Variants in ANKRD61 observed in about 807,000 individuals in gnomAD.
The protein encoded by ANKRD61 is ankyrin repeat domain 61, also known as ankyrin repeat domain-containing protein 61.
ANKRD61 carries 7 observed loss-of-function variants against 8.4 expected under a neutral mutation model. That is an observed-to-expected ratio of 0.84 (90% CI 0.48 to 1.57). The LOEUF is 1.57. Ranked by LOEUF, ANKRD61 falls within the 40% of genes most tolerant of loss-of-function variation. The pLI is 0.00. For synonymous variants in ANKRD61, 198 were observed against 208.0 expected (o/e 0.95, Z 0.41); for missense variants, 516 against 523.4 (o/e 0.99, Z 0.14).
In ANKRD61 at chr7:6,033,178, A is replaced by G. The variant is rs1356666105; in HGVS notation, c.314+242A>G. 6.6e-6 allele frequency among the ~76,000 whole-genome samples: 1 copy of G among 152,178 alleles called. No homozygotes were observed. On this transcript the variant is annotated intron_variant, in intron 2 of 2. Transcript: ENST00000409061. This position sits in a 1 kb window ranked among gnomAD's most constrained non-coding sequence, Gnocchi z 4.4. ...GAGACAGGGTTTCACCATGTTGGCC[A>G]GGCTGGTCTTGAACTCCTGGCCTCA...
chr7:6,034,081 G>A (rs1462273258), intron 2 of ANKRD61, among the ~76,000 whole-genome samples: 1 of 151,658 alleles, frequency 6.6e-6, no homozygotes, highest in Non-Finnish European at 1.5e-5. Context: ...ACCATGGGAG[G>A]CTGAGGTGGG....
At position 6,032,807 on chromosome 7, in the gene ANKRD61, C is replaced by A; in HGVS notation, c.217-32C>A. ...AACAGTATTTTTAACTACACAGGGC[C>A]ACTTGTAATGTGTTTTGTTTTCCCT... On this transcript the variant is annotated intron_variant, in intron 1 of 2. Coordinates refer to ENST00000409061, the MANE Select transcript of ANKRD61 (RefSeq NM_001271700.2). This position sits in a 1 kb window ranked among gnomAD's most constrained non-coding sequence, Gnocchi z 4.3. 6.6e-7 allele frequency: 1 copy of A among 1,513,186 alleles called. No homozygotes were observed. Among genetic ancestry groups the A allele is most frequent in the East Asian group, 2.5e-5 (1 of 40,664 alleles). 93.7% of individuals were successfully genotyped at this position (1,513,186 alleles called of 1,614,324 possible).
In ANKRD61 at chr7:6,035,381, C is replaced by G; in HGVS notation, c.315-63C>G. ...TAAATACTGGCTTCTTAAGCATTAACTGTCCACGTAGAGCCGTTCCCACTG... is the reference window on the plus strand; with the variant it reads ...TAAATACTGGCTTCTTAAGCATTAAGTGTCCACGTAGAGCCGTTCCCACTG... On this transcript the variant is annotated intron_variant, in intron 2 of 2. Transcript: ENST00000409061. This position sits in a 1 kb window ranked among gnomAD's most constrained non-coding sequence, Gnocchi z 5.5. The G allele has an allele frequency of 7.1e-7, 1 of 1,409,864 alleles. No individual in the cohort carries two copies. The highest frequency in any genetic ancestry group is 9.6e-7 in the Non-Finnish European group (1 of 1,037,362). 87.3% of individuals were successfully genotyped at this position (1,409,864 alleles called of 1,614,324 possible).
Position 6,031,470 on chromosome 7 carries a change from T to C in ANKRD61, c.95T>C (p.Leu32Pro). 3 of 1,550,680 alleles carry C rather than the reference T, an allele frequency of 1.9e-6. No individual in the cohort carries two copies. Among genetic ancestry groups the C allele is most frequent in the Non-Finnish European group, 2.6e-6 (3 of 1,147,018 alleles). ...DGPSAALHSK[L>P]YEAIMREDCT... ...CCATCTGCAGCACTTCACTCGAAAC[T>C]CTATGAAGCCATCATGAGAGAAGAC... Residue 32 changes from leucine (L) to proline (P), a missense_variant, in exon 1 of 3, where the codon CTC (leucine) becomes CCC (proline). Physicochemically the swap from Leu to Pro is moderately conservative, Grantham distance 98. Transcript: ENST00000409061.
In ANKRD61 at chr7:6,033,370, A is replaced by G. The variant is rs1367104642; in HGVS notation, c.314+434A>G. ...TGTTTGGACTTGTTCGTTCTTATGA[A>G]TGAACCAATGTCTTTACTGAGTAGA... On this transcript the variant is annotated intron_variant, in intron 2 of 2. Coordinates refer to ENST00000409061, the MANE Select transcript of ANKRD61 (RefSeq NM_001271700.2). This position sits in a 1 kb window ranked among gnomAD's most constrained non-coding sequence, Gnocchi z 4.4. 6.6e-6 allele frequency among the ~76,000 whole-genome samples: 1 copy of G among 152,190 alleles called. No individual in the cohort carries two copies. The highest frequency in any genetic ancestry group is 2.4e-5 in the African/African-American group (1 of 41,440).
intron 1 of ANKRD61, 141 bp downstream of exon 1, chr7:6,031,732 A>T (rs113609540): frequency 1.2e-6 from 1 of 821,214 alleles, no homozygotes; most frequent in Non-Finnish European, 1.9e-6. Context: ...CACACACTGC[A>T]GTGCTCCCCA....
rs918650339 is a variant in ANKRD61 at position 6,033,000 on chromosome 7, G to A, written c.314+64G>A. On this transcript the variant is annotated intron_variant, in intron 2 of 2. Coordinates refer to ENST00000409061, the MANE Select transcript of ANKRD61 (RefSeq NM_001271700.2). The surrounding 1 kb of genome is among the most constrained non-coding windows in gnomAD (Gnocchi z 4.3). ...TTTTTTGTTTTGAGGCAGGGGTCTC[G>A]CTCTGTTGCCCAGGCTGGAGTGCAA... 1.0e-5 allele frequency: 14 copies of A among 1,394,624 alleles called. No individual in the cohort carries two copies. The highest frequency in any genetic ancestry group is 7.2e-5 in the African/African-American group (5 of 69,584). The allele number at this position is 1,394,624 out of a possible 1,614,324, so 86.4% of individuals were successfully genotyped here.
rs1356245820 is a variant in ANKRD61 at position 6,036,409 on chromosome 7, G to A, written c.*23G>A. 6 of 1,432,718 alleles carry A rather than the reference G, an allele frequency of 4.2e-6. No individual in the cohort carries two copies. The highest frequency in any genetic ancestry group is 5.5e-6 in the Non-Finnish European group (6 of 1,093,506). The allele number at this position is 1,432,718 out of a possible 1,614,324, so 88.8% of individuals were successfully genotyped here. A position where few individuals can be genotyped will look rare whatever the true frequency, so the allele number is the denominator to read the frequency against. ...TGAAATAAGACCTCCCAGTTTCACA[G>A]CAGAGGGACTTTCAGCCACTCAAAC... On this transcript the variant is annotated 3_prime_UTR_variant, in exon 3 of 3. Coordinates refer to ENST00000409061, the MANE Select transcript of ANKRD61 (RefSeq NM_001271700.2). This position sits in a 1 kb window ranked among gnomAD's most constrained non-coding sequence, Gnocchi z 4.6.
At position 6,032,470 on chromosome 7, in the gene ANKRD61, C is replaced by T. The variant is rs1320367675; in HGVS notation, c.217-369C>T. Among the ~76,000 whole-genome samples the T allele has an allele frequency of 6.6e-6, 1 of 152,234 alleles. No individual in the cohort carries two copies. The highest frequency in any genetic ancestry group is 1.9e-4 in the East Asian group (1 of 5,202). On this transcript the variant is annotated intron_variant, in intron 1 of 2. Coordinates refer to ENST00000409061, the MANE Select transcript of ANKRD61 (RefSeq NM_001271700.2). The surrounding 1 kb of genome is among the most constrained non-coding windows in gnomAD (Gnocchi z 4.3). ...TAATACGACTTTGGCAACGACACAGCACCTACTTGTCCATCACCCTGTGGG... is the reference window on the plus strand; with the variant it reads ...TAATACGACTTTGGCAACGACACAGTACCTACTTGTCCATCACCCTGTGGG...
At position 6,035,527 on chromosome 7, in the gene ANKRD61, G is replaced by A. The variant is rs1788052471; in HGVS notation, c.398G>A (p.Arg133Lys). The stretch of plus-strand genomic sequence containing the variant: ...ACCACGTGGGCAAAACCAGGCAACA[G>A]AACGCACAGGATCCTGACAGACATT... ...TSTTWAKPGN[R>K]THRILTDIQN... is the part of the protein sequence containing the mutation. Residue 133 changes from arginine (R) to lysine (K), a missense_variant, in exon 3 of 3, where the codon AGA becomes AAA. Arg to Lys is a conservative substitution (Grantham distance 26). Coordinates refer to ENST00000409061, the MANE Select transcript of ANKRD61 (RefSeq NM_001271700.2). The surrounding 1 kb of genome is among the most constrained non-coding windows in gnomAD (Gnocchi z 5.5). The A allele has an allele frequency of 1.3e-6, 2 of 1,551,196 alleles. No homozygotes were observed. The highest frequency in any genetic ancestry group is 1.4e-5 in the African/African-American group (1 of 73,168).
Position 6,035,511 on chromosome 7 carries a change from G to A in ANKRD61, c.382G>A (p.Ala128Thr), listed in dbSNP as rs546720568. 2.6e-6 allele frequency: 4 copies of A among 1,550,980 alleles called. No individual in the cohort carries two copies. The highest frequency in any genetic ancestry group is 3.5e-6 in the Non-Finnish European group (4 of 1,147,122). ...LHWPVTSTTW[A>T]KPGNRTHRIL... Reference sequence around the variant, plus strand: ...CTGGCCAGTCACTTCCACCACGTGGGCAAAACCAGGCAACAGAACGCACAG... The same window carrying A: ...CTGGCCAGTCACTTCCACCACGTGGACAAAACCAGGCAACAGAACGCACAG... The change falls in exon 3 of 3, where the codon GCA becomes ACA. Residue 128 changes from alanine to threonine, a missense_variant. Ala to Thr is a moderately conservative substitution (Grantham distance 58). Coordinates refer to ENST00000409061, the MANE Select transcript of ANKRD61 (RefSeq NM_001271700.2). The surrounding 1 kb of genome is among the most constrained non-coding windows in gnomAD (Gnocchi z 5.5).
rs1386028225 is a variant in ANKRD61 at position 6,036,452 on chromosome 7, C to T, written c.*66C>T. 34 of 1,208,760 alleles carry T rather than the reference C, an allele frequency of 2.8e-5. No homozygotes were observed. The South Asian group carries it at 5.8e-4, about 21-fold the overall frequency. 74.9% of individuals were successfully genotyped at this position (1,208,760 alleles called of 1,614,324 possible). A position where few individuals can be genotyped will look rare whatever the true frequency, so the allele number is the denominator to read the frequency against. On this transcript the variant is annotated 3_prime_UTR_variant, in exon 3 of 3. Coordinates refer to ENST00000409061, the MANE Select transcript of ANKRD61 (RefSeq NM_001271700.2). The surrounding 1 kb of genome is among the most constrained non-coding windows in gnomAD (Gnocchi z 4.6). The stretch of plus-strand genomic sequence containing the variant: ...ACTCAAACTGCATTTTCTGGCTAGA[C>T]ATGTCCCAGAAAATGCTTCACCTAT...
rs538970134 is a variant in ANKRD61 at position 6,035,507 on chromosome 7, G to C, written c.378G>C (p.Thr126=). ...TGCACTGGCCAGTCACTTCCACCAC[G>C]TGGGCAAAACCAGGCAACAGAACGC... ...MLLHWPVTST[T]WAKPGNRTHR... Residue 126 remains threonine (T), a synonymous_variant, in exon 3 of 3, where the codon ACG becomes ACC. Coordinates refer to ENST00000409061, the MANE Select transcript of ANKRD61 (RefSeq NM_001271700.2). The surrounding 1 kb of genome is among the most constrained non-coding windows in gnomAD (Gnocchi z 5.5). 6.4e-7 allele frequency: 1 copy of C among 1,551,068 alleles called. No individual in the cohort carries two copies. Among genetic ancestry groups the C allele is most frequent in the Non-Finnish European group, 8.7e-7 (1 of 1,147,112 alleles).
In ANKRD61 at chr7:6,032,827, T is replaced by C; in HGVS notation, c.217-12T>C. On this transcript the variant is annotated splice_polypyrimidine_tract_variant and intron_variant, in intron 1 of 2. Transcript: ENST00000409061. The surrounding 1 kb of genome is among the most constrained non-coding windows in gnomAD (Gnocchi z 4.3). The stretch of plus-strand genomic sequence containing the variant: ...AGGGCCACTTGTAATGTGTTTTGTT[T>C]TCCCTCCAAAGCCGACAGAGTCTAT... The C allele has an allele frequency of 1.9e-6, 3 of 1,548,648 alleles. No individual in the cohort carries two copies. The highest frequency in any genetic ancestry group is 2.6e-6 in the Non-Finnish European group (3 of 1,145,084).
chr7:6,035,660 A>G lies in ANKRD61; in HGVS notation c.531A>G (p.Ala177=). ...GTTCACCACTCCACCTGGCCATAGC[A>G]TATGGTTGCTATCCAGTTCTCTCCA... The part of the protein sequence containing the change: ...NKRSPLHLAI[A]YGCYPVLSIL... The change falls in exon 3 of 3, where the codon GCA becomes GCG. Residue 177 remains alanine, a synonymous_variant. Transcript: ENST00000409061. The surrounding 1 kb of genome is among the most constrained non-coding windows in gnomAD (Gnocchi z 5.5). 1 of 1,550,742 alleles carries G rather than the reference A, an allele frequency of 6.4e-7. No individual in the cohort carries two copies. The highest frequency in any genetic ancestry group is 1.2e-5 in the South Asian group (1 of 84,062).
Position 6,035,468 on chromosome 7 carries a change from CAACTT to C in ANKRD61, c.342_346del (p.Leu115AlafsTer28), listed in dbSNP as rs1251113840. On this transcript the variant is annotated frameshift_variant, in exon 3 of 3. Coordinates refer to ENST00000409061, the MANE Select transcript of ANKRD61 (RefSeq NM_001271700.2). LOFTEE classifies it low-confidence loss of function (END_TRUNC). This position sits in a 1 kb window ranked among gnomAD's most constrained non-coding sequence, Gnocchi z 5.5. ...GGGACACGACAGGCCTCACCACACTCAACTTAATGCTACTGCACTGGCCAGTCACT... is the reference window on the plus strand; with the variant it reads ...GGGACACGACAGGCCTCACCACACTCAATGCTACTGCACTGGCCAGTCACT... 3.9e-6 allele frequency: 6 copies of C among 1,550,634 alleles called. No homozygotes were observed. Among genetic ancestry groups the C allele is most frequent in the African/African-American group, 2.7e-5 (2 of 73,056 alleles).
Position 6,032,825 on chromosome 7 carries a change from T to G in ANKRD61, c.217-14T>G, listed in dbSNP as rs778447963. ...ACAGGGCCACTTGTAATGTGTTTTGTTTTCCCTCCAAAGCCGACAGAGTCT... is the reference window on the plus strand; with the variant it reads ...ACAGGGCCACTTGTAATGTGTTTTGGTTTCCCTCCAAAGCCGACAGAGTCT... On this transcript the variant is annotated splice_polypyrimidine_tract_variant and intron_variant, in intron 1 of 2. Coordinates refer to ENST00000409061, the MANE Select transcript of ANKRD61 (RefSeq NM_001271700.2). The surrounding 1 kb of genome is among the most constrained non-coding windows in gnomAD (Gnocchi z 4.3). 5.2e-5 allele frequency: 81 copies of G among 1,547,748 alleles called. No individual in the cohort carries two copies. The highest frequency in any genetic ancestry group is 7.9e-5 in the Admixed American group (4 of 50,940).
rs1788100479 is a variant in ANKRD61, at chr7:6,036,516, GA to G, written c.*132del. The G allele has an allele frequency of 1.8e-6, 1 of 543,532 alleles. No homozygotes were observed. Among genetic ancestry groups the G allele is most frequent in the Non-Finnish European group, 2.9e-6 (1 of 343,934 alleles). 33.7% of individuals were successfully genotyped at this position (543,532 alleles called of 1,614,324 possible). A position where few individuals can be genotyped will look rare whatever the true frequency, so the allele number is the denominator to read the frequency against. ...CCAAATGTACAAACTACTGATTCTT[GA>G]ACATGTTCCAAAATACAAAGTGATT... On this transcript the variant is annotated 3_prime_UTR_variant, in exon 3 of 3. Coordinates refer to ENST00000409061, the MANE Select transcript of ANKRD61 (RefSeq NM_001271700.2). The surrounding 1 kb of genome is among the most constrained non-coding windows in gnomAD (Gnocchi z 4.6).
Position 6,031,546 on chromosome 7 carries a change from C to T in ANKRD61, c.171C>T (p.Ile57=), listed in dbSNP as rs184458442. 1.6e-3 allele frequency: 2,545 copies of T among 1,550,804 alleles called. 42 individuals carry two copies. The highest frequency in any genetic ancestry group is 3.3e-4 in the Middle Eastern group (2 of 5,992). ...LLRNHPVNQP[I]TILPNSASNR... ...GAAATCACCCTGTCAACCAGCCCAT[C>T]ACCATTCTGCCCAACTCCGCCAGCA... The change falls in exon 1 of 3, where the codon ATC becomes ATT. Residue 57 remains isoleucine, a synonymous_variant. Transcript: ENST00000409061.
Sources: gnomAD v4.1 joint callset for allele counts (sites outside exome capture counted in the v4.1 genomes callset) on GRCh38, gnomAD v4.1.1 for gene constraint, Gnocchi (gnomAD v3.1) non-coding constraint, MANE v1.5 for transcripts, NCBI Gene and HGNC (gene_info 2026-07-23, HGNC 2026-07-21) for gene names.